HS6ST3: variants seen among roughly 807,000 people sequenced by gnomAD.
HS6ST3 encodes the protein heparan-sulfate 6-O-sulfotransferase 3.
HS6ST3 carries 12 observed loss-of-function variants against 36.7 expected under a neutral mutation model. The observed-to-expected ratio is 0.33, with a 90% CI of 0.21 to 0.53. The LOEUF is 0.53. HS6ST3 is among the 20% of genes least tolerant of loss of function. The pLI is 0.95. For missense variants in HS6ST3, 584 were observed against 640.9 expected, an observed-to-expected ratio of 0.91 and a Z score of 0.96; for synonymous variants, 240 against 257.5, an observed-to-expected ratio of 0.93 and a Z score of 0.65.
At chr13:96,651,437 C>A (rs2056606776) in intron 1 of HS6ST3, among the ~76,000 whole-genome samples, 1 of 151,910 alleles carries the variant, frequency 6.6e-6, no homozygotes, top group East Asian at 1.9e-4. Flanking sequence ...GGCACCTACC[C>A]CAAAATCTTG....
intron 1 of HS6ST3, among the ~76,000 whole-genome samples, chr13:96,197,686 C>T (rs370436785): frequency 6.6e-6 from 1 of 152,130 alleles, no homozygotes; most frequent in African/African-American, 2.4e-5. Flanking sequence ...GTAAATACAG[C>T]CTTCCAAATG....
chr13:96,817,358 C>G (rs1157447651), intron 1 of HS6ST3, among the ~76,000 whole-genome samples: 3 of 152,200 alleles, frequency 2.0e-5, no homozygotes, highest in South Asian at 2.1e-4. Context: ...TCAGCTTTGA[C>G]TTACAATCAC....
chr13:96,800,468 G>A (rs1423870798), intron 1 of HS6ST3, among the ~76,000 whole-genome samples: 3 of 151,952 alleles, frequency 2.0e-5, no homozygotes, highest in Non-Finnish European at 2.9e-5. Flanking sequence ...AGTATTCTCC[G>A]ATCAGAGACA....
chr13:96,301,010 C>T (rs1258281792), intron 1 of HS6ST3, among the ~76,000 whole-genome samples: 1 of 152,144 alleles, frequency 6.6e-6, no homozygotes, highest in Non-Finnish European at 1.5e-5. Context: ...TTAGCTTTCT[C>T]TTTCAAATGA....
chr13:96,768,398 C>T (rs890110370), intron 1 of HS6ST3, among the ~76,000 whole-genome samples: 5 of 152,288 alleles, frequency 3.3e-5, no homozygotes, highest in African/African-American at 1.2e-4. Context: ...GCAGGCAGTA[C>T]ATTTAAGTAC....
chr13:96,415,829 G>A (rs540210932), intron 1 of HS6ST3, among the ~76,000 whole-genome samples: 1 of 152,204 alleles, frequency 6.6e-6, no homozygotes, highest in South Asian at 2.1e-4. Context: ...TTTTGATGAA[G>A]ATATATAAAG....
In HS6ST3 at chr13:96,700,328, C is replaced by T. The variant is rs566399138; in HGVS notation, c.708-132162C>T. ...CACATCTCGTGAGACTTATTCACTA[C>T]CACGAGAACAGCATGGGGGAAACCG... On this transcript the variant is annotated intron_variant, in intron 1 of 1. Transcript: ENST00000376705. Among the ~76,000 whole-genome samples the T allele has an allele frequency of 9.2e-5, 14 of 152,200 alleles. No homozygotes were observed. The South Asian group carries it at 2.9e-3, about 32-fold the overall frequency.
At chr13:96,757,126 CT>C (rs1876850562) in intron 1 of HS6ST3, among the ~76,000 whole-genome samples, 1 of 152,154 alleles carries the variant, frequency 6.6e-6, no homozygotes. Context: ...TATAATCTTG[CT>C]TCTTTAAATC....
At chr13:96,136,690 T>TATATATATAC (rs1216361209) in intron 1 of HS6ST3, among the ~76,000 whole-genome samples, 2 of 39,600 alleles carry the variant, frequency 5.1e-5, no homozygotes, top group Non-Finnish European at 9.7e-5. Flanking sequence ...AACATATATA[T>TATATATATAC]ATATATATAT....
intron 1 of HS6ST3, among the ~76,000 whole-genome samples, chr13:96,790,539 A>G (rs1385183520): frequency 6.6e-6 from 1 of 152,058 alleles, no homozygotes; most frequent in Admixed American, 6.6e-5. Flanking sequence ...AAGTCCAAAA[A>G]TATTCTAACT....
In HS6ST3 at chr13:96,378,376, G is replaced by A. The variant is rs2055324695; in HGVS notation, c.707+286807G>A. ...TCGGAAGAGGTGTGAGGGCTTCCCT[G>A]AGGCTTGTAGAGGGCCTTTTAGGGA... On this transcript the variant is annotated intron_variant, in intron 1 of 1. Coordinates refer to ENST00000376705, the MANE Select transcript of HS6ST3 (RefSeq NM_153456.4). Among the ~76,000 whole-genome samples the A allele has an allele frequency of 1.3e-5, 2 of 152,102 alleles. 1 individual carries two copies. Among genetic ancestry groups the A allele is most frequent in the South Asian group, 4.1e-4 (2 of 4,828 alleles).
intron 1 of HS6ST3, among the ~76,000 whole-genome samples, chr13:96,494,570 C>A (rs1204555560): frequency 6.6e-6 from 1 of 151,392 alleles, no homozygotes; most frequent in East Asian, 1.9e-4. Context: ...CCACGATGTA[C>A]CTACTTAATC....
At position 96,836,614 on chromosome 13, in the gene HS6ST3, G is replaced by C. The variant is rs1418733668; in HGVS notation, c.*3416G>C. The C allele has an allele frequency of 1.3e-5, 2 of 152,130 alleles. No individual in the cohort carries two copies. Among genetic ancestry groups the C allele is most frequent in the Non-Finnish European group, 2.9e-5 (2 of 68,024 alleles). 9.4% of individuals were successfully genotyped at this position (152,130 alleles called of 1,614,324 possible). A position where few individuals can be genotyped will look rare whatever the true frequency, so the allele number is the denominator to read the frequency against. ...AAAGTTTGAAGTATGAGGACTCCTT[G>C]TTATGCCTTTAAGGTAATTTTTAAA... On this transcript the variant is annotated 3_prime_UTR_variant, in exon 2 of 2. Coordinates refer to ENST00000376705, the MANE Select transcript of HS6ST3 (RefSeq NM_153456.4).
intron 1 of HS6ST3, among the ~76,000 whole-genome samples, chr13:96,241,286 C>T (rs1178875136): frequency 2.0e-5 from 3 of 151,988 alleles, no homozygotes; most frequent in Non-Finnish European, 4.4e-5. Context: ...TGCTATAATA[C>T]AACTCCTTCC....
chr13:96,800,403 TA>T lies in HS6ST3; in HGVS notation c.708-32086del, dbSNP rs148380979. 6.4e-3 allele frequency among the ~76,000 whole-genome samples: 973 copies of T among 152,094 alleles called. 14 individuals carry two copies. Among genetic ancestry groups the T allele is most frequent in the African/African-American group, 0.022 (900 of 41,494 alleles). On this transcript the variant is annotated intron_variant, in intron 1 of 1. Coordinates refer to ENST00000376705, the MANE Select transcript of HS6ST3 (RefSeq NM_153456.4). ...CTATCCTGTCCCAAAGCATTTATAC[TA>T]CACCTATTCCAAAGAAGTTGTTCAT...
chr13:96,765,759 CTG>C (rs1877096670), intron 1 of HS6ST3, among the ~76,000 whole-genome samples: 1 of 151,950 alleles, frequency 6.6e-6, no homozygotes, highest in Non-Finnish European at 1.5e-5. Context: ...TAAATATAGA[CTG>C]AGTTTTAAAG....
chr13:96,130,908 T>C (rs1414406505), intron 1 of HS6ST3, among the ~76,000 whole-genome samples: 1 of 152,156 alleles, frequency 6.6e-6, no homozygotes, highest in Admixed American at 6.5e-5. Flanking sequence ...ATTAGAAATG[T>C]CCAAGCCTTA....
chr13:96,769,559 T>C (rs1450917327), intron 1 of HS6ST3, among the ~76,000 whole-genome samples: 1 of 151,278 alleles, frequency 6.6e-6, no homozygotes, highest in African/African-American at 2.4e-5. Context: ...CACATTGTTT[T>C]AGGACCATTT....
At chr13:96,374,300 A>T (rs2055304441) in intron 1 of HS6ST3, among the ~76,000 whole-genome samples, 1 of 152,106 alleles carries the variant, frequency 6.6e-6, no homozygotes, top group South Asian at 2.1e-4. Flanking sequence ...TATAATACTA[A>T]TTTTTTGAAG....
Sources: gnomAD v4.1 joint callset for allele counts (sites outside exome capture counted in the v4.1 genomes callset) on GRCh38, gnomAD v4.1.1 for gene constraint, MANE v1.5 for transcripts, NCBI Gene and HGNC (gene_info 2026-07-23, HGNC 2026-07-21) for gene names.